Variants in SMARCC1 observed in about 807,000 individuals in gnomAD.
SMARCC1 encodes the protein SWI/SNF complex subunit SMARCC1.
SMARCC1 carries 43 observed loss-of-function variants against 147.4 expected under a neutral mutation model. The ratio of observed to expected loss-of-function variants is 0.29; its 90% CI spans 0.23 to 0.38. SMARCC1 has a LOEUF of 0.38. SMARCC1 is among the 10% of genes least tolerant of loss of function. The pLI, the probability that SMARCC1 is intolerant of heterozygous loss-of-function variation, is 1.00. For missense variants in SMARCC1, 1,119 were observed against 1,381.1 expected (o/e 0.81, Z 3.01); for synonymous variants, 495 against 484.4 (o/e 1.02, Z -0.29).
chr3:47,661,372 A>G lies in SMARCC1; in HGVS notation c.2242T>C (p.Ser748Pro). 6.2e-7 allele frequency: 1 copy of G among 1,613,946 alleles called. No individual in the cohort carries two copies. Among genetic ancestry groups the G allele is most frequent in the Non-Finnish European group, 8.5e-7 (1 of 1,179,882 alleles). ...VKKVQEAARA[S>P]GKVDPTYGLE... ...CCGTAGGTGGGATCCACTTTCCCAG[A>G]GGCTCGTGCTGCTTCTTGTACTTTC... The change falls in exon 21 of 28, where the codon TCT (serine) becomes CCT (proline). Residue 748 changes from serine to proline, a missense_variant. Physicochemically the swap from Ser to Pro is moderately conservative, Grantham distance 74. Transcript: ENST00000254480.
chr3:47,663,325 A>G (rs1450216708), intron 19 of SMARCC1, among the ~76,000 whole-genome samples: 1 of 152,076 alleles, frequency 6.6e-6, no homozygotes, highest in African/African-American at 2.4e-5. Context: ...TAAGGAAGCT[A>G]TAAAAAAAAG....
intron 21 of SMARCC1, among the ~76,000 whole-genome samples, chr3:47,647,406 G>A (rs1239070332): frequency 6.6e-6 from 1 of 152,182 alleles, no homozygotes; most frequent in African/African-American, 2.4e-5. Context: ...TAGATGTTCT[G>A]AGCATGTTGA....
At chr3:47,773,454 T>C (rs1406322152) in intron 1 of SMARCC1, among the ~76,000 whole-genome samples, 2 of 148,232 alleles carry the variant, frequency 1.3e-5, no homozygotes, top group African/African-American at 4.9e-5. Context: ...TCCATATTAA[T>C]GTAAAGAATG....
intron 1 of SMARCC1, among the ~76,000 whole-genome samples, chr3:47,779,042 A>G (rs1386709987): frequency 2.0e-5 from 3 of 151,092 alleles, no homozygotes; most frequent in Non-Finnish European, 4.4e-5. Flanking sequence ...TTTGAAAAAG[A>G]AGGTAAATAA....
At position 47,610,047 on chromosome 3, in the gene SMARCC1, A is replaced by G. The variant is rs779282585; in HGVS notation, c.3043+19T>C. 1 of 1,610,918 alleles carries G rather than the reference A, an allele frequency of 6.2e-7. No homozygotes were observed. The highest frequency in any genetic ancestry group is 8.5e-7 in the Non-Finnish European group (1 of 1,179,498). On this transcript the variant is annotated intron_variant, in intron 26 of 27. Coordinates refer to ENST00000254480, the MANE Select transcript of SMARCC1 (RefSeq NM_003074.4). ...GTAGTGACCATAAGCTTTTTCCAAGAGCAGGGCCTTCCTCTTACCTGGCTG... is the reference window on the plus strand; with the variant it reads ...GTAGTGACCATAAGCTTTTTCCAAGGGCAGGGCCTTCCTCTTACCTGGCTG...
At chr3:47,753,258 GA>G (rs2034647571) in intron 2 of SMARCC1, among the ~76,000 whole-genome samples, 1 of 150,316 alleles carries the variant, frequency 6.7e-6, no homozygotes, top group African/African-American at 2.4e-5. Flanking sequence ...CCAGGAGGTG[GA>G]GGTAGCAGTG....
At chr3:47,632,671 T>C (rs995903440) in intron 24 of SMARCC1, among the ~76,000 whole-genome samples, 1 of 151,274 alleles carries the variant, frequency 6.6e-6, no homozygotes, top group African/African-American at 2.4e-5. Flanking sequence ...AGAGGAGAAA[T>C]AATAGGAAGA....
chr3:47,775,054 T>C (rs755604683), intron 1 of SMARCC1, among the ~76,000 whole-genome samples: 1 of 152,148 alleles, frequency 6.6e-6, no homozygotes, highest in African/African-American at 2.4e-5. Flanking sequence ...TTCTCTCACT[T>C]TGGCCTCCCA....
At chr3:47,601,308 G>C (rs2032382164) in intron 26 of SMARCC1, among the ~76,000 whole-genome samples, 1 of 152,052 alleles carries the variant, frequency 6.6e-6, no homozygotes, top group Non-Finnish European at 1.5e-5. Flanking sequence ...TTTATACTTT[G>C]GGTTGGGAAA....
intron 6 of SMARCC1, among the ~76,000 whole-genome samples, chr3:47,726,515 T>C (rs1242110060): frequency 3.3e-5 from 5 of 152,220 alleles, no homozygotes; most frequent in Non-Finnish European, 7.3e-5. Context: ...ATTTTAACCA[T>C]TTTATAAGTA....
chr3:47,777,881 T>C (rs1213521376), intron 1 of SMARCC1, among the ~76,000 whole-genome samples: 1 of 151,932 alleles, frequency 6.6e-6, no homozygotes, highest in East Asian at 1.9e-4. Context: ...AGATTTTTTT[T>C]CCAAATCATC....
chr3:47,703,701 C>T (rs2033954411), intron 10 of SMARCC1, among the ~76,000 whole-genome samples: 4 of 152,082 alleles, frequency 2.6e-5, no homozygotes, highest in South Asian at 2.1e-4. Context: ...CAGTGCAGAG[C>T]GAATGCTCAA....
intron 8 of SMARCC1, among the ~76,000 whole-genome samples, chr3:47,712,589 C>T (rs2034100467): frequency 6.6e-6 from 1 of 152,118 alleles, no homozygotes; most frequent in Non-Finnish European, 1.5e-5. Flanking sequence ...CTCTCCTAAG[C>T]ACAGTGAAAT....
chr3:47,773,777 G>A (rs185789859), intron 1 of SMARCC1, among the ~76,000 whole-genome samples: 10 of 151,762 alleles, frequency 6.6e-5, no homozygotes, highest in African/African-American at 1.9e-4. Context: ...CTACAGGCGC[G>A]CAACCACCAT....
rs549922629 is a variant in SMARCC1, at chr3:47,636,533, G to T, written c.2377-397C>A. ...GGAGGCTGAGGCAGGCAGATCACCT[G>T]AAGTCAGCAGTTTGAGATCAGCTGG... On this transcript the variant is annotated intron_variant, in intron 22 of 27. Transcript: ENST00000254480. 1.1e-4 allele frequency among the ~76,000 whole-genome samples: 17 copies of T among 152,318 alleles called. No homozygotes were observed. The East Asian group carries it at 3.3e-3, about 29-fold the overall frequency.
intron 25 of SMARCC1, among the ~76,000 whole-genome samples, chr3:47,620,392 G>A (rs1159379678): frequency 6.6e-6 from 1 of 152,022 alleles, no homozygotes; most frequent in African/African-American, 2.4e-5. Context: ...GAACCTGGGA[G>A]GTGGAGGTTG....
intron 3 of SMARCC1, among the ~76,000 whole-genome samples, chr3:47,743,222 C>G (rs2034528038): frequency 6.6e-6 from 1 of 152,118 alleles, no homozygotes. Context: ...TGGGGAGTTA[C>G]TAAAATATGC....
At chr3:47,626,524 G>A (rs1559628824) in intron 24 of SMARCC1, among the ~76,000 whole-genome samples, 1 of 151,232 alleles carries the variant, frequency 6.6e-6, no homozygotes, top group Non-Finnish European at 1.5e-5. Flanking sequence ...ACGAGTAAAT[G>A]GCAGAGCTGG....
intron 19 of SMARCC1, among the ~76,000 whole-genome samples, chr3:47,665,935 T>G (rs1295791885): frequency 6.6e-6 from 1 of 151,920 alleles, no homozygotes; most frequent in Non-Finnish European, 1.5e-5. Context: ...TCCTTCCATC[T>G]CAGCCTCATA....
Sources: gnomAD v4.1 joint callset for allele counts (sites outside exome capture counted in the v4.1 genomes callset) on GRCh38, gnomAD v4.1.1 for gene constraint, MANE v1.5 for transcripts, NCBI Gene and HGNC (gene_info 2026-07-23, HGNC 2026-07-21) for gene names.